Variants in ADAM23 observed in about 807,000 individuals in gnomAD.
The protein encoded by ADAM23 is ADAM metallopeptidase domain 23.
In ADAM23, 33 loss-of-function variants were observed where a neutral mutation model predicts 120.1. That is an observed-to-expected ratio of 0.27 (90% CI 0.21 to 0.37). The LOEUF (loss-of-function observed/expected upper bound fraction) is 0.37, where lower values mean the gene tolerates loss of function less well. ADAM23 is among the 10% of genes least tolerant of loss of function. The pLI is 1.00. For missense variants in ADAM23, 862 were observed against 1,058.2 expected (o/e 0.81, Z 2.57); for synonymous variants, 367 against 375.2 (o/e 0.98, Z 0.25).
chr2:206,445,002 C>T (rs982809056), intron 1 of ADAM23, among the ~76,000 whole-genome samples: 1 of 149,784 alleles, frequency 6.7e-6, no homozygotes, highest in Admixed American at 6.6e-5. Context: ...CATTCTACCC[C>T]CCCCCCAACA....
At chr2:206,464,042 A>G (rs946497425) in intron 2 of ADAM23, among the ~76,000 whole-genome samples, 1 of 152,034 alleles carries the variant, frequency 6.6e-6, no homozygotes, top group African/African-American at 2.4e-5. Context: ...TAGTTGCAAT[A>G]TTTCTTCTGT....
intron 3 of ADAM23, among the ~76,000 whole-genome samples, chr2:206,481,972 A>G (rs1340457983): frequency 1.3e-5 from 2 of 152,144 alleles, no homozygotes; most frequent in Non-Finnish European, 2.9e-5. Flanking sequence ...CTTTGGTGAA[A>G]GAGATTTTCT....
chr2:206,593,669 A>C (rs771542251), intron 22 of ADAM23, among the ~76,000 whole-genome samples: 1 of 152,072 alleles, frequency 6.6e-6, no homozygotes, highest in Non-Finnish European at 1.5e-5. Context: ...TGACGTATAC[A>C]AGCTTTATTT....
At chr2:206,517,737 G>C (rs1696764934) in intron 3 of ADAM23, among the ~76,000 whole-genome samples, 1 of 152,108 alleles carries the variant, frequency 6.6e-6, no homozygotes, top group African/African-American at 2.4e-5. Flanking sequence ...TCCTGGATGT[G>C]AATCAGTTCA....
At chr2:206,461,358 G>A (rs988494619) in intron 2 of ADAM23, among the ~76,000 whole-genome samples, 1 of 152,030 alleles carries the variant, frequency 6.6e-6, no homozygotes, top group African/African-American at 2.4e-5. Flanking sequence ...ATCGCGTCTG[G>A]CTTGAAGTAG....
chr2:206,460,247 A>G (rs1380420358), intron 2 of ADAM23, among the ~76,000 whole-genome samples: 3 of 152,218 alleles, frequency 2.0e-5, no homozygotes, highest in Non-Finnish European at 4.4e-5. Context: ...CTAATGAGAT[A>G]TAAAAAGTTG....
At chr2:206,498,243 T>A (rs1465192009) in intron 3 of ADAM23, among the ~76,000 whole-genome samples, 4 of 152,168 alleles carry the variant, frequency 2.6e-5, no homozygotes, top group Non-Finnish European at 5.9e-5. Context: ...CTACTTGACT[T>A]CAAACTATAC....
intron 16 of ADAM23, 44 bp from the exon 17 acceptor site, chr2:206,571,680 CCAG>C (rs1474954722): frequency 3.6e-6 from 5 of 1,404,096 alleles, no homozygotes; most frequent in Non-Finnish European, 5.1e-6. Flanking sequence ...ATATGAATGA[CCAG>C]CAGGTAAGGC....
At chr2:206,614,694 T>C (rs1466152913) in intron 25 of ADAM23, among the ~76,000 whole-genome samples, 1 of 152,150 alleles carries the variant, frequency 6.6e-6, no homozygotes, top group Non-Finnish European at 1.5e-5. Flanking sequence ...CAGATAAAAT[T>C]TGAAAGGAAC....
At chr2:206,613,707 T>C (rs1698879925) in intron 25 of ADAM23, among the ~76,000 whole-genome samples, 1 of 152,142 alleles carries the variant, frequency 6.6e-6, no homozygotes, top group South Asian at 2.1e-4. Flanking sequence ...TTACTGGACA[T>C]TAGAAAAAGC....
At chr2:206,583,680 T>C (rs1698266183) in intron 18 of ADAM23, among the ~76,000 whole-genome samples, 1 of 152,158 alleles carries the variant, frequency 6.6e-6, no homozygotes, top group Non-Finnish European at 1.5e-5. Flanking sequence ...CATTTCACAT[T>C]CTAAAAATGT....
chr2:206,497,974 C>A (rs1318393794), intron 3 of ADAM23, among the ~76,000 whole-genome samples: 1 of 152,120 alleles, frequency 6.6e-6, no homozygotes, highest in Non-Finnish European at 1.5e-5. Context: ...TCAAGAACTA[C>A]AATCCACTGC....
chr2:206,494,607 T>G (rs1168594014), intron 3 of ADAM23, among the ~76,000 whole-genome samples: 1 of 152,188 alleles, frequency 6.6e-6, no homozygotes, highest in Non-Finnish European at 1.5e-5. Context: ...AATAACTTTT[T>G]GAGCATCCAT....
chr2:206,526,318 T>G (rs756083408), intron 3 of ADAM23, among the ~76,000 whole-genome samples: 2 of 152,210 alleles, frequency 1.3e-5, no homozygotes, highest in Non-Finnish European at 2.9e-5. Flanking sequence ...TCTTTGAACA[T>G]AGATTTCTAA....
chr2:206,450,459 CTTATATG>C (rs1314869331), intron 2 of ADAM23, among the ~76,000 whole-genome samples: 2 of 152,144 alleles, frequency 1.3e-5, no homozygotes, highest in African/African-American at 4.8e-5. Flanking sequence ...TGATTGAACA[CTTATATG>C]TTAGAGTATA....
intron 5 of ADAM23, among the ~76,000 whole-genome samples, 167 bp downstream of exon 5, chr2:206,542,301 G>T (rs1161672645): frequency 6.6e-6 from 1 of 152,202 alleles, no homozygotes; most frequent in Non-Finnish European, 1.5e-5. Context: ...CTTAGTGTTT[G>T]CAGGAGATTC....
intron 2 of ADAM23, among the ~76,000 whole-genome samples, chr2:206,475,299 T>G (rs944595184): frequency 2.0e-5 from 3 of 152,180 alleles, no homozygotes; most frequent in Non-Finnish European, 4.4e-5. Context: ...AAATTACAAT[T>G]AAAAATGGTC....
At chr2:206,602,456 T>TA (rs1210975461) in intron 24 of ADAM23, among the ~76,000 whole-genome samples, 2 of 152,200 alleles carry the variant, frequency 1.3e-5, no homozygotes, top group Non-Finnish European at 2.9e-5. Context: ...CACTAGTATA[T>TA]AAAGAGTTTA....
At position 206,584,087 on chromosome 2, in the gene ADAM23, T is replaced by G. The variant is rs530089872; in HGVS notation, c.1738-3238T>G. ...AGTACTCTCCCCCTTTTCCTATGGGTATGGCTTCCTGTGAGCTGAACCACA... is the reference window on the plus strand; with the variant it reads ...AGTACTCTCCCCCTTTTCCTATGGGGATGGCTTCCTGTGAGCTGAACCACA... On this transcript the variant is annotated intron_variant, in intron 18 of 25. Coordinates refer to ENST00000264377, the MANE Select transcript of ADAM23 (RefSeq NM_003812.4). 2.6e-5 allele frequency among the ~76,000 whole-genome samples: 4 copies of G among 152,286 alleles called. No individual in the cohort carries two copies. In the South Asian group the frequency reaches 8.3e-4, roughly 32 times the overall value.
Sources: allele counts gnomAD v4.1 joint callset (sites outside exome capture counted in the v4.1 genomes callset), GRCh38; gene constraint gnomAD v4.1.1; transcripts MANE v1.5; gene names NCBI Gene and HGNC (gene_info 2026-07-23, HGNC 2026-07-21).